LPIN2: variants seen among roughly 807,000 people sequenced by gnomAD.
The protein encoded by LPIN2 is phosphatidate phosphatase LPIN2.
LPIN2 carries 55 observed loss-of-function variants against 111.4 expected under a neutral mutation model. That is an observed-to-expected ratio of 0.49 (90% CI 0.40 to 0.62). LPIN2 has a LOEUF of 0.62. Among genes scored for constraint, LPIN2 ranks in the 20% least tolerant of loss-of-function variants. The pLI, the probability that LPIN2 is intolerant of heterozygous loss-of-function variation, is 0.00. For synonymous variants in LPIN2, 425 were observed against 414.0 expected (o/e 1.03, Z -0.32); for missense variants, 992 against 1,112.1 (o/e 0.89, Z 1.54).
chr18:2,924,479 G>A lies in LPIN2; in HGVS notation c.2006C>T (p.Thr669Ile), dbSNP rs1265516642. The A allele has an allele frequency of 3.7e-6, 6 of 1,614,156 alleles. No homozygotes were observed. The highest frequency in any genetic ancestry group is 1.1e-5 in the South Asian group (1 of 91,082). Residue 669 changes from threonine (T) to isoleucine (I), a missense_variant, in exon 15 of 20, where the codon ACC (threonine) becomes ATC (isoleucine). Physicochemically the swap from Thr to Ile is moderately conservative, Grantham distance 89. This residue lies in a region of LPIN2 where 709 missense variants were observed against 753.2 expected (regional missense o/e 0.94). Transcript: ENST00000677752. ...GTAAATGGTCCCTGCACAGCGACAGGTGCCTTGATACTGGGTTGTAATACT... is the reference window on the plus strand; with the variant it reads ...GTAAATGGTCCCTGCACAGCGACAGATGCCTTGATACTGGGTTGTAATACT... ...VFSITTQYQG[T>I]CRCAGTIYLW...
In LPIN2 at chr18:3,005,366, AAAAG is replaced by A. The variant is rs532421425; in HGVS notation, c.-10+7717_-10+7720del. Among the ~76,000 whole-genome samples the A allele has an allele frequency of 2.6e-3, 390 of 152,000 alleles. 1 individual carries two copies. The highest frequency in any genetic ancestry group is 8.8e-3 in the African/African-American group (364 of 41,478). ...GACTCCGTCTCAAAAAAAAAAAAGA[AAAAG>A]AAAAAGAAAAGAAAAGTGTCTCGGC... On this transcript the variant is annotated intron_variant, in intron 1 of 19. Transcript: ENST00000677752.
chr18:2,917,969 TCA>T lies in LPIN2; in HGVS notation c.*2322_*2323del, dbSNP rs1275280438. 3 of 152,232 alleles carry T rather than the reference TCA, an allele frequency of 2.0e-5. No individual in the cohort carries two copies. Among genetic ancestry groups the T allele is most frequent in the African/African-American group, 7.2e-5 (3 of 41,458 alleles). 9.4% of individuals were successfully genotyped at this position (152,232 alleles called of 1,614,324 possible). The stretch of plus-strand genomic sequence containing the variant: ...ACAAACACACTCGAGGGCATCTCTT[TCA>T]CAGAAAGAACAAATGTCATTTGTAC... On this transcript the variant is annotated 3_prime_UTR_variant, in exon 20 of 20. Transcript: ENST00000677752.
intron 1 of LPIN2, among the ~76,000 whole-genome samples, chr18:2,975,427 C>T (rs1032722678): frequency 2.6e-5 from 4 of 152,108 alleles, no homozygotes; most frequent in African/African-American, 4.8e-5. Context: ...TTCTGCCTCC[C>T]GGGTTCAAGT....
chr18:2,971,211 T>G lies in LPIN2; in HGVS notation c.-9-10362A>C, dbSNP rs2143293439. 1.3e-5 allele frequency among the ~76,000 whole-genome samples: 2 copies of G among 152,330 alleles called. 1 individual carries two copies. The highest frequency in any genetic ancestry group is 4.1e-4 in the South Asian group (2 of 4,832). On this transcript the variant is annotated intron_variant, in intron 1 of 19. Transcript: ENST00000677752. ...AAGCCAATACCAGTTTTCATCTTAA[T>G]CTGGTATTTCGTAAGAGGAGCAAGG...
In LPIN2 at chr18:2,927,713, G is replaced by A; in HGVS notation, c.1710+9C>T. On this transcript the variant is annotated intron_variant, in intron 12 of 19. Transcript: ENST00000677752. ...AGCCCACGGAAACAATGACCTCTAGGTCTGTTACCTGTTTGGTCATGCTTT... is the reference window on the plus strand; with the variant it reads ...AGCCCACGGAAACAATGACCTCTAGATCTGTTACCTGTTTGGTCATGCTTT... 1 of 1,613,534 alleles carries A rather than the reference G, an allele frequency of 6.2e-7. No individual in the cohort carries two copies. The highest frequency in any genetic ancestry group is 8.5e-7 in the Non-Finnish European group (1 of 1,179,470).
chr18:2,944,572 G>T (rs575201933), intron 4 of LPIN2, among the ~76,000 whole-genome samples: 1 of 151,790 alleles, frequency 6.6e-6, no homozygotes, highest in Non-Finnish European at 1.5e-5. Context: ...GGATGGTCTC[G>T]ATCTCCTGAC....
At chr18:2,944,642 G>A (rs574662807) in intron 4 of LPIN2, among the ~76,000 whole-genome samples, 16 of 152,132 alleles carry the variant, frequency 1.1e-4, no homozygotes, top group African/African-American at 2.4e-4. Context: ...GAGCCACCGC[G>A]CCCGGCCTCC....
chr18:2,976,732 T>C (rs2078023747), intron 1 of LPIN2, among the ~76,000 whole-genome samples: 1 of 152,138 alleles, frequency 6.6e-6, no homozygotes, highest in Non-Finnish European at 1.5e-5. Flanking sequence ...GAGAGCTAGC[T>C]AGGAGTGACA....
chr18:2,964,282 C>CA (rs56276815), intron 1 of LPIN2, among the ~76,000 whole-genome samples: 32,417 of 56,950 alleles, frequency 0.57, 11,098 homozygotes, highest in African/African-American at 0.76. Flanking sequence ...GACTCCGTCT[C>CA]AAAAAAAAAA....
rs1430580584 is a variant in LPIN2 at position 2,925,873 on chromosome 18, A to C, written c.1794-505T>G. On this transcript the variant is annotated intron_variant, in intron 13 of 19. Coordinates refer to ENST00000677752, the MANE Select transcript of LPIN2 (RefSeq NM_001375808.2). This position sits in a 1 kb window ranked among gnomAD's most constrained non-coding sequence, Gnocchi z 4.1. ...ATTTAAAAATTAGCCAGGGGTAGTG[A>C]CACTTGTCTGTGGTCCTAACTACTT... Among the ~76,000 whole-genome samples the C allele has an allele frequency of 2.0e-5, 3 of 151,356 alleles. No homozygotes were observed. The highest frequency in any genetic ancestry group is 7.3e-5 in the African/African-American group (3 of 41,178).
intron 1 of LPIN2, among the ~76,000 whole-genome samples, chr18:2,995,386 T>C (rs2078325821): frequency 6.6e-6 from 1 of 152,248 alleles, no homozygotes; most frequent in African/African-American, 2.4e-5. Context: ...CTCATCCAAC[T>C]GAACCCCACT....
rs77797831 is a variant in LPIN2 at position 2,939,309 on chromosome 18, T to A, written c.822+171A>T. 7.4e-3 allele frequency among the ~76,000 whole-genome samples: 1,128 copies of A among 152,310 alleles called. 19 individuals are homozygous for A. The highest frequency in any genetic ancestry group is 0.025 in the African/African-American group (1,053 of 41,562). On this transcript the variant is annotated intron_variant, in intron 6 of 19. Coordinates refer to ENST00000677752, the MANE Select transcript of LPIN2 (RefSeq NM_001375808.2). ...AAATCCTTCGGTTGCAAATATATAGTCCAAATGTTACAAAAAATGTTAACT... is the reference window on the plus strand; with the variant it reads ...AAATCCTTCGGTTGCAAATATATAGACCAAATGTTACAAAAAATGTTAACT...
chr18:2,988,630 T>C (rs1294405647), intron 1 of LPIN2, among the ~76,000 whole-genome samples: 1 of 152,162 alleles, frequency 6.6e-6, no homozygotes, highest in African/African-American at 2.4e-5. Flanking sequence ...ATGCACTAAG[T>C]AGTAAAAGAA....
rs1482662355 is a variant in LPIN2 at position 2,958,147 on chromosome 18, AAAAAAAAAAACAAC to A, written c.192+2488_192+2501del. Reference sequence around the variant, plus strand: ...ACAAAGCGAGACTCCATCTCAAAAAAAAAAAAAAAACAACAAAAAAAAAAAACAGAAAAAAGAAA... The same window carrying A: ...ACAAAGCGAGACTCCATCTCAAAAAAAAAAAAAAAAAACAGAAAAAAGAAA... On this transcript the variant is annotated intron_variant, in intron 2 of 19. Transcript: ENST00000677752. Among the ~76,000 whole-genome samples the A allele has an allele frequency of 1.1e-3, 129 of 117,370 alleles. 23 individuals are homozygous for A. The highest frequency in any genetic ancestry group is 6.1e-3 in the East Asian group (26 of 4,274). 77.0% of individuals were successfully genotyped at this position (117,370 alleles called of 152,430 possible). A position where few individuals can be genotyped will look rare whatever the true frequency, so the allele number is the denominator to read the frequency against.
chr18:2,960,178 G>GTGTA (rs756099586), intron 2 of LPIN2, among the ~76,000 whole-genome samples: 10 of 104,124 alleles, frequency 9.6e-5, no homozygotes, highest in African/African-American at 4.1e-4. Flanking sequence ...TCAAAAATGT[G>GTGTA]TGTGTGTGTG....
Position 2,922,058 on chromosome 18 carries a change from G to T in LPIN2, c.2316C>A (p.Ser772=), listed in dbSNP as rs145270447. ...PLMLSPSSLF[S]AFHREVIEKK... ...TGCCGGAGAGGTACCTGTGGAAGGC[G>T]GAGAACAAGCTGCTGGGGGACAGCA... is the stretch of plus-strand genomic sequence containing the variant. The change falls in exon 17 of 20, where the codon TCC becomes TCA. Residue 772 remains serine (S), a synonymous_variant. Coordinates refer to ENST00000677752, the MANE Select transcript of LPIN2 (RefSeq NM_001375808.2). 1.2e-6 allele frequency: 2 copies of T among 1,612,998 alleles called. No homozygotes were observed. Among genetic ancestry groups the T allele is most frequent in the Non-Finnish European group, 8.5e-7 (1 of 1,179,548 alleles).
At chr18:3,007,816 T>C (rs1377316159) in intron 1 of LPIN2, among the ~76,000 whole-genome samples, 1 of 152,202 alleles carries the variant, frequency 6.6e-6, no homozygotes, top group Non-Finnish European at 1.5e-5. Context: ...TCAAAACATA[T>C]AATCAAATGA....
chr18:2,995,444 G>A (rs1363390313), intron 1 of LPIN2, among the ~76,000 whole-genome samples: 1 of 152,126 alleles, frequency 6.6e-6, no homozygotes, highest in Non-Finnish European at 1.5e-5. Context: ...AAGTTTTGGT[G>A]TAAAACTGTT....
Position 2,919,359 on chromosome 18 carries a change from C to G in LPIN2, c.*934G>C, listed in dbSNP as rs1032890815. The G allele has an allele frequency of 2.6e-5, 4 of 152,194 alleles. No individual in the cohort carries two copies. Among genetic ancestry groups the G allele is most frequent in the African/African-American group, 9.7e-5 (4 of 41,432 alleles). 9.4% of individuals were successfully genotyped at this position (152,194 alleles called of 1,614,324 possible). ...GCTTCACTGTGCTTCCCTGACAAATCTGAATCACAGAATTTTAGAAATCCT... is the reference window on the plus strand; with the variant it reads ...GCTTCACTGTGCTTCCCTGACAAATGTGAATCACAGAATTTTAGAAATCCT... On this transcript the variant is annotated 3_prime_UTR_variant, in exon 20 of 20. Transcript: ENST00000677752.
Sources: gnomAD v4.1 joint callset for allele counts (sites outside exome capture counted in the v4.1 genomes callset) on GRCh38, gnomAD v4.1.1 for gene constraint, gnomAD v4.1.1 regional missense constraint, Gnocchi (gnomAD v3.1) non-coding constraint, MANE v1.5 for transcripts, NCBI Gene and HGNC (gene_info 2026-07-23, HGNC 2026-07-21) for gene names.